The following CDCA2 variants were observed in gnomAD, a reference collection of about 807,000 sequenced individuals.
CDCA2 encodes cell division cycle-associated protein 2.
A neutral mutation model predicts 67.0 loss-of-function variants in CDCA2; 44 were observed. The observed-to-expected ratio is 0.66, with a 90% CI of 0.52 to 0.84. The LOEUF (loss-of-function observed/expected upper bound fraction) is 0.84. Among genes scored for constraint, CDCA2 ranks in the 40% least tolerant of loss-of-function variants. The pLI, the probability that CDCA2 is intolerant of heterozygous loss-of-function variation, is 0.00. For missense variants in CDCA2, 1,253 were observed against 1,203.2 expected, an observed-to-expected ratio of 1.04 and a Z score of -0.61; for synonymous variants, 447 against 418.7, an observed-to-expected ratio of 1.07 and a Z score of -0.82.
intron 7 of CDCA2, 95 bp from the exon 8 acceptor site, chr8:25,479,818 G>T (rs767933007): frequency 8.8e-7 from 1 of 1,139,094 alleles, no homozygotes; most frequent in Non-Finnish European, 1.3e-6. Flanking sequence ...TTTCTTCATA[G>T]CATGTTATTA....
At chr8:25,465,818 C>A (rs1802875743) in intron 4 of CDCA2, among the ~76,000 whole-genome samples, 1 of 152,206 alleles carries the variant, frequency 6.6e-6, no homozygotes, top group Admixed American at 6.5e-5. Context: ...ACCTGTGACA[C>A]AAGCACCATG....
At chr8:25,489,956 C>T (rs1010671240) in intron 13 of CDCA2, among the ~76,000 whole-genome samples, 1 of 152,146 alleles carries the variant, frequency 6.6e-6, no homozygotes, top group African/African-American at 2.4e-5. Context: ...TCAACCTATA[C>T]ACCCACCCAA....
At chr8:25,488,240 C>G (rs1201291411) in intron 12 of CDCA2, among the ~76,000 whole-genome samples, 1 of 152,060 alleles carries the variant, frequency 6.6e-6, no homozygotes, top group Non-Finnish European at 1.5e-5. Context: ...TAGTTAGGTG[C>G]TAAATTGTAG....
intron 13 of CDCA2, among the ~76,000 whole-genome samples, chr8:25,499,540 GC>G (rs1804388813): frequency 6.6e-6 from 1 of 151,934 alleles, no homozygotes; most frequent in Non-Finnish European, 1.5e-5. Flanking sequence ...CTGAGCTCAA[GC>G]AACCCACCCA....
chr8:25,499,041 A>G (rs1203744903), intron 13 of CDCA2, among the ~76,000 whole-genome samples: 1 of 152,170 alleles, frequency 6.6e-6, no homozygotes, highest in Admixed American at 6.5e-5. Flanking sequence ...GTATAGATGA[A>G]TCATGATTTC....
chr8:25,487,361 A>G, intron 12 of CDCA2, 27 bp downstream of exon 12: 1 of 1,442,058 alleles, frequency 6.9e-7, no homozygotes, highest in Non-Finnish European at 9.7e-7. Flanking sequence ...GGCACAACGT[A>G]TTTGTTTTTA....
In CDCA2 at chr8:25,460,204, T is replaced by G. The variant is rs765731701; in HGVS notation, c.1-36T>G. On this transcript the variant is annotated intron_variant, in intron 1 of 14. Coordinates refer to ENST00000330560, the MANE Select transcript of CDCA2 (RefSeq NM_152562.4). ...GATCGAATCACGTTCATCTTGCTGG[T>G]GGGGTTATTTTTCATTGTTTTTCTT... 5.0e-6 allele frequency: 8 copies of G among 1,601,888 alleles called. No homozygotes were observed. The African/African-American group carries it at 1.1e-4, about 21-fold the overall frequency.
intron 7 of CDCA2, among the ~76,000 whole-genome samples, chr8:25,475,854 C>T (rs1487460496): frequency 6.6e-6 from 1 of 152,160 alleles, no homozygotes. Flanking sequence ...TTTTTATCTG[C>T]CCCCCAGTGG....
At chr8:25,459,882 A>C (rs547987368) in intron 1 of CDCA2, among the ~76,000 whole-genome samples, 1 of 152,154 alleles carries the variant, frequency 6.6e-6, no homozygotes, top group Non-Finnish European at 1.5e-5. Context: ...AATGAATAAG[A>C]TCTAGTATTT....
At chr8:25,484,720 G>C (rs946193724) in intron 10 of CDCA2, among the ~76,000 whole-genome samples, 2 of 151,322 alleles carry the variant, frequency 1.3e-5, no homozygotes, top group African/African-American at 4.9e-5. Context: ...TCCCGTCTTA[G>C]CCTCCCGAGT....
In CDCA2 at chr8:25,488,634, G is replaced by A. The variant is rs1393837106; in HGVS notation, c.1616G>A (p.Arg539Lys). The A allele has an allele frequency of 6.2e-7, 1 of 1,612,872 alleles. No individual in the cohort carries two copies. Among genetic ancestry groups the A allele is most frequent in the Non-Finnish European group, 8.5e-7 (1 of 1,179,598 alleles). The change falls in exon 13 of 15, where the codon AGG becomes AAG. Residue 539 changes from arginine (R) to lysine (K), a missense_variant. By Grantham distance (26) the Arg-to-Lys change is conservative. Coordinates refer to ENST00000330560, the MANE Select transcript of CDCA2 (RefSeq NM_152562.4). The stretch of plus-strand genomic sequence containing the variant: ...CCTTGTAAAGAAAAGAAAATTAATA[G>A]GAGGAAGTCTCAAGAAACAAAGTGT... ...VQPCKEKKIN[R>K]RKSQETKCTK...
intron 13 of CDCA2, among the ~76,000 whole-genome samples, chr8:25,500,782 T>C (rs1040706956): frequency 6.6e-6 from 1 of 152,234 alleles, no homozygotes; most frequent in Non-Finnish European, 1.5e-5. Context: ...ATTAACCAGC[T>C]CTATCACATG....
intron 4 of CDCA2, among the ~76,000 whole-genome samples, chr8:25,464,277 G>A (rs1037776868): frequency 6.6e-6 from 1 of 152,188 alleles, no homozygotes; most frequent in African/African-American, 2.4e-5. Context: ...TTATCTGGGT[G>A]TGGTGGCACA....
At chr8:25,500,720 T>G (rs931180710) in intron 13 of CDCA2, among the ~76,000 whole-genome samples, 6 of 152,194 alleles carry the variant, frequency 3.9e-5, no homozygotes, top group African/African-American at 1.4e-4. Context: ...TCTCAAGTAA[T>G]GGAAAAGAAT....
chr8:25,468,804 G>A (rs1035597241), intron 6 of CDCA2, among the ~76,000 whole-genome samples: 1 of 152,150 alleles, frequency 6.6e-6, no homozygotes, highest in African/African-American at 2.4e-5. Flanking sequence ...CTTCAGTGGA[G>A]CTGGTGGATC....
chr8:25,467,170 C>T (rs369587941), intron 5 of CDCA2, among the ~76,000 whole-genome samples: 5 of 151,206 alleles, frequency 3.3e-5, no homozygotes, highest in Admixed American at 3.3e-4. Context: ...TTTTTTCCCC[C>T]CCAATCACGA....
Position 25,505,291 on chromosome 8 carries a change from T to A in CDCA2, c.1844-1219T>A, listed in dbSNP as rs540197517. On this transcript the variant is annotated intron_variant, in intron 14 of 14. Transcript: ENST00000330560. The stretch of plus-strand genomic sequence containing the variant: ...ATCTTGGCTCACTGCAACCTCCACC[T>A]CCTGGGTACCAGCAATTCTCCTGCT... 7.2e-5 allele frequency among the ~76,000 whole-genome samples: 11 copies of A among 152,290 alleles called. No homozygotes were observed. The East Asian group carries it at 1.2e-3, about 16-fold the overall frequency.
chr8:25,495,126 C>G (rs1219211904), intron 13 of CDCA2, among the ~76,000 whole-genome samples: 2 of 152,132 alleles, frequency 1.3e-5, no homozygotes, highest in Non-Finnish European at 2.9e-5. Context: ...TTTGATTTTT[C>G]AGTTGAAGAA....
chr8:25,460,363 A>T, intron 2 of CDCA2, 21 bp from the exon 3 acceptor site: 1 of 1,614,164 alleles, frequency 6.2e-7, no homozygotes, highest in Non-Finnish European at 8.5e-7. Flanking sequence ...CCTCACCCCT[A>T]CAATATGTCG....
Sources: gnomAD v4.1 joint callset for allele counts (sites outside exome capture counted in the v4.1 genomes callset) on GRCh38, gnomAD v4.1.1 for gene constraint, MANE v1.5 for transcripts, NCBI Gene and HGNC (gene_info 2026-07-23, HGNC 2026-07-21) for gene names.